SGCD: variants seen among roughly 807,000 people sequenced by gnomAD.
SGCD encodes the protein sarcoglycan delta, also known as delta-sarcoglycan.
Under a neutral mutation model 36.6 loss-of-function variants are expected in SGCD, and 18 were observed. The ratio of observed to expected loss-of-function variants is 0.49; its 90% CI spans 0.34 to 0.73. The LOEUF (loss-of-function observed/expected upper bound fraction) is 0.73. Ranked by LOEUF, SGCD falls within the 30% of genes least tolerant of loss-of-function variation. The pLI is 0.01. For missense variants in SGCD, 387 were observed against 346.7 expected, an observed-to-expected ratio of 1.12 and a Z score of -0.92; for synonymous variants, 133 against 130.6, an observed-to-expected ratio of 1.02 and a Z score of -0.12.
intron 7 of SGCD, among the ~76,000 whole-genome samples, chr5:156,649,801 T>C (rs1161339305): frequency 6.6e-6 from 1 of 152,120 alleles, no homozygotes; most frequent in African/African-American, 2.4e-5. Flanking sequence ...ACATGGCACA[T>C]GTATACATAT....
chr5:156,095,016 C>T (rs1256006370), intron 1 of SGCD, among the ~76,000 whole-genome samples: 1 of 151,950 alleles, frequency 6.6e-6, no homozygotes, highest in African/African-American at 2.4e-5. Flanking sequence ...AGAAAGCAGT[C>T]CTTTTGCTTA....
intron 4 of SGCD, among the ~76,000 whole-genome samples, chr5:156,574,175 T>G (rs1051103877): frequency 6.6e-5 from 10 of 152,190 alleles, no homozygotes; most frequent in Non-Finnish European, 1.2e-4. Flanking sequence ...AAACACCTGC[T>G]TAGCTGGTGG....
At chr5:156,220,779 G>A (rs929484428) in intron 3 of SGCD, among the ~76,000 whole-genome samples, 1 of 152,070 alleles carries the variant, frequency 6.6e-6, no homozygotes, top group Non-Finnish European at 1.5e-5. Flanking sequence ...TCTACTTGTA[G>A]CAAGTAAATC....
intron 4 of SGCD, among the ~76,000 whole-genome samples, chr5:156,522,505 TCTTA>T (rs1459313805): frequency 2.6e-5 from 4 of 151,982 alleles, no homozygotes; most frequent in African/African-American, 7.3e-5. Context: ...CGTCGCATGT[TCTTA>T]CTTACAAGTG....
chr5:156,389,270 A>G (rs1037340028), intron 3 of SGCD, among the ~76,000 whole-genome samples: 10 of 152,198 alleles, frequency 6.6e-5, no homozygotes, highest in Non-Finnish European at 7.4e-5. Context: ...GGCTTGCCCA[A>G]AGGTGGGAAG....
chr5:155,730,067 T>C, the SGCD span, among the ~76,000 whole-genome samples: 1 of 152,178 alleles, frequency 6.6e-6, no homozygotes, highest in Non-Finnish European at 1.5e-5. Context: ...GGTATGGGCA[T>C]ACACGTGTTG....
intron 3 of SGCD, among the ~76,000 whole-genome samples, chr5:156,240,591 T>G (rs1765281248): frequency 6.6e-6 from 1 of 152,166 alleles, no homozygotes; most frequent in Non-Finnish European, 1.5e-5. Context: ...TACTCATCTG[T>G]GATGAGATAA....
At chr5:156,696,981 T>C (rs1332662624) in intron 7 of SGCD, among the ~76,000 whole-genome samples, 36 of 149,050 alleles carry the variant, frequency 2.4e-4, no homozygotes, top group Admixed American at 2.4e-3. Context: ...TAGAAAGACA[T>C]CCTGGTTTCC....
At chr5:155,892,459 G>GAAA (rs70981989) in intron 1 of SGCD, among the ~76,000 whole-genome samples, 1,081 of 94,068 alleles carry the variant, frequency 0.011, no homozygotes, top group African/African-American at 0.015. Flanking sequence ...ATCTGAAAAA[G>GAAA]AAAAAAAAAA....
chr5:156,068,685 C>G lies in SGCD; in HGVS notation c.-281-49193C>G, dbSNP rs548583127. On this transcript the variant is annotated intron_variant, in intron 1 of 9. Coordinates refer to the SGCD transcript ENST00000517913. ...ATGGTATTTCTAGTTCTAGATCCCT[C>G]AGGAATCGCCACACTGACTTCCACA... Among the ~76,000 whole-genome samples the G allele has an allele frequency of 7.0e-3, 1,063 of 151,798 alleles. 8 individuals carry two copies. Among genetic ancestry groups the G allele is most frequent in the Middle Eastern group, 0.017 (5 of 294 alleles).
chr5:156,052,349 A>G (rs1220987861), intron 1 of SGCD, among the ~76,000 whole-genome samples: 1 of 146,088 alleles, frequency 6.8e-6, no homozygotes. Context: ...ATTACAGATG[A>G]AAGGGGAGAG....
At chr5:156,439,702 A>G (rs900783586) in intron 3 of SGCD, among the ~76,000 whole-genome samples, 2 of 152,222 alleles carry the variant, frequency 1.3e-5, no homozygotes, top group African/African-American at 4.8e-5. Context: ...ACCAATAAGA[A>G]TGCATGGAAG....
intron 3 of SGCD, among the ~76,000 whole-genome samples, chr5:156,493,573 A>T (rs80263052): frequency 0.019 from 2,852 of 152,170 alleles, 32 homozygotes; most frequent in Non-Finnish European, 0.031. Context: ...TCAGATTATT[A>T]ATGATTCCCT....
the SGCD span, among the ~76,000 whole-genome samples, chr5:155,824,702 T>G: frequency 6.6e-6 from 1 of 152,164 alleles, no homozygotes; most frequent in Non-Finnish European, 1.5e-5. Flanking sequence ...TGGTTAAGAC[T>G]TGAACCCATG....
the SGCD span, among the ~76,000 whole-genome samples, chr5:155,850,222 C>G: frequency 3.3e-5 from 5 of 152,176 alleles, no homozygotes; most frequent in African/African-American, 1.2e-4. Context: ...TTTACTCTTT[C>G]ATGTCTGACG....
chr5:155,977,896 C>A (rs1210259134), intron 1 of SGCD, among the ~76,000 whole-genome samples: 1 of 152,084 alleles, frequency 6.6e-6, no homozygotes, highest in East Asian at 1.9e-4. Context: ...CAGATGGAGA[C>A]CATCCTAGCT....
chr5:155,948,791 G>A (rs1228234655), intron 1 of SGCD, among the ~76,000 whole-genome samples: 2 of 152,162 alleles, frequency 1.3e-5, no homozygotes, highest in Non-Finnish European at 2.9e-5. Flanking sequence ...GTTACCCAGT[G>A]GGGTGTCTGA....
intron 6 of SGCD, among the ~76,000 whole-genome samples, chr5:156,643,478 C>T (rs922963963): frequency 2.0e-5 from 3 of 152,048 alleles, no homozygotes; most frequent in Non-Finnish European, 4.4e-5. Context: ...CACCAACATA[C>T]TGTGCTCCTC....
At chr5:156,689,370 T>G (rs910211724) in intron 7 of SGCD, among the ~76,000 whole-genome samples, 2 of 152,132 alleles carry the variant, frequency 1.3e-5, no homozygotes, top group Non-Finnish European at 2.9e-5. Flanking sequence ...CACATGGAAT[T>G]CCCGAAGATC....
Sources: allele counts gnomAD v4.1 joint callset (sites outside exome capture counted in the v4.1 genomes callset), GRCh38; gene constraint gnomAD v4.1.1; transcripts MANE v1.5; gene names NCBI Gene and HGNC (gene_info 2026-07-23, HGNC 2026-07-21).